MROH7: variants seen among roughly 807,000 people sequenced by gnomAD.
MROH7 encodes the protein maestro heat-like repeat-containing protein family member 7.
Under a neutral mutation model 129.2 loss-of-function variants are expected in MROH7, and 113 were observed. That is an observed-to-expected ratio of 0.87 (90% CI 0.75 to 1.02). MROH7 has a LOEUF of 1.02. Among genes scored for constraint, MROH7 ranks in the 50% least tolerant of loss-of-function variants. The probability of loss-of-function intolerance (pLI) is 0.00; values close to 1 mark genes in which losing one functional copy is unlikely to be tolerated. For missense variants in MROH7, 1,601 were observed against 1,671.3 expected (o/e 0.96, Z 0.73); for synonymous variants, 655 against 667.9 (o/e 0.98, Z 0.30).
At position 54,653,661 on chromosome 1, in the gene MROH7, T is replaced by A. The variant is rs186245353; in HGVS notation, c.735T>A (p.Asn245Lys). Residue 245 changes from asparagine (N) to lysine (K), a missense_variant, in exon 3 of 24, where the codon AAT becomes AAA. By Grantham distance (94) the Asn-to-Lys change is moderately conservative. Transcript: ENST00000421030. The part of the protein sequence containing the change: ...DSHGTLIPDT[N>K]ETITLASHNI... ...ATGGGACCCTAATCCCAGACACAAA[T>A]GAGACCATCACTTTGGCTTCACATA... 1.9e-6 allele frequency: 3 copies of A among 1,614,044 alleles called. No homozygotes were observed. In the East Asian group the frequency reaches 6.7e-5, roughly 36 times the overall value.
In MROH7 at chr1:54,668,726, CA is replaced by C. The variant is rs1007589168; in HGVS notation, c.1306-127del. ...CCAAGCTCCCCTTGTGGGGACCTCT[CA>C]TTTCTCTTGCACCAATGCTGGCTTG... is the stretch of plus-strand genomic sequence containing the variant. On this transcript the variant is annotated intron_variant, in intron 4 of 23. Transcript: ENST00000421030. The C allele has an allele frequency of 4.5e-5, 30 of 667,866 alleles. No homozygotes were observed. In the African/African-American group the frequency reaches 5.5e-4, roughly 12 times the overall value. The allele number at this position is 667,866 out of a possible 1,614,324, so 41.4% of individuals were successfully genotyped here.
chr1:54,699,152 TTCTTTCTTTTC>T (rs888232212), intron 17 of MROH7: 4 of 83,356 alleles, frequency 4.8e-5, no homozygotes, highest in African/African-American at 1.4e-4. Flanking sequence ...CTTTCTTTCT[TTCTTTCTTTTC>T]TTTCTTTCTT....
chr1:54,656,845 A>G (rs533585396), intron 3 of MROH7, among the ~76,000 whole-genome samples: 44 of 152,046 alleles, frequency 2.9e-4, no homozygotes, highest in African/African-American at 8.7e-4. Context: ...AAAATAAAAA[A>G]GTTTCTTTTT....
chr1:54,670,848 CGT>C lies in MROH7; in HGVS notation c.1526_1527del (p.Val509AlafsTer21). 2 of 1,613,984 alleles carry C rather than the reference CGT, an allele frequency of 1.2e-6. No homozygotes were observed. The highest frequency in any genetic ancestry group is 8.5e-7 in the Non-Finnish European group (1 of 1,179,970). On this transcript the variant is annotated frameshift_variant, in exon 7 of 24. Transcript: ENST00000421030. LOFTEE classifies it high-confidence loss of function. ...GMRERSELVN[V>X]CVHSVFSLPS... ...TGCGGGAGAGGTCGGAGCTGGTGAA[CGT>C]GTGTGTGCACAGCGTGTTCTCCCTG...
intron 3 of MROH7, among the ~76,000 whole-genome samples, chr1:54,659,556 C>A (rs1644700795): frequency 6.6e-6 from 1 of 151,896 alleles, no homozygotes; most frequent in South Asian, 2.1e-4. Context: ...CGGGTTCAAG[C>A]AATTCTCCTG....
chr1:54,677,825 G>A (rs1201403193), intron 10 of MROH7, among the ~76,000 whole-genome samples: 2 of 152,208 alleles, frequency 1.3e-5, no homozygotes, highest in African/African-American at 4.8e-5. Flanking sequence ...GGGGACACAG[G>A]AGTGGGGAAA....
At chr1:54,695,192 T>G (rs1444433689) in intron 16 of MROH7, among the ~76,000 whole-genome samples, 184 bp from the exon 17 acceptor site, 1 of 152,156 alleles carries the variant, frequency 6.6e-6, no homozygotes, top group East Asian at 1.9e-4. Flanking sequence ...AGTTTCTTCA[T>G]CTGTAAAATG....
At chr1:54,642,267 A>C (rs1012015449) in intron 1 of MROH7, among the ~76,000 whole-genome samples, 2 of 152,168 alleles carry the variant, frequency 1.3e-5, no homozygotes, top group Admixed American at 6.5e-5. Flanking sequence ...TATGTGGGCT[A>C]TCTCATCTGG....
chr1:54,659,386 A>G (rs909047377), intron 3 of MROH7, among the ~76,000 whole-genome samples: 7 of 150,236 alleles, frequency 4.7e-5, no homozygotes, highest in African/African-American at 1.7e-4. Context: ...GGGTTCAAGC[A>G]ATTCTCCTGC....
At chr1:54,682,964 A>C (rs1226087266) in intron 14 of MROH7, among the ~76,000 whole-genome samples, 170 bp downstream of exon 14, 3 of 152,210 alleles carry the variant, frequency 2.0e-5, no homozygotes. Context: ...TTCACTGGAC[A>C]ATAACAGTAG....
chr1:54,644,801 CTT>C (rs553525945), intron 1 of MROH7, among the ~76,000 whole-genome samples: 26 of 138,210 alleles, frequency 1.9e-4, no homozygotes, highest in African/African-American at 5.3e-4. Context: ...AGCCAAATAA[CTT>C]TTTTTTTTTT....
At position 54,679,383 on chromosome 1, in the gene MROH7, T is replaced by C. The variant is rs969916738; in HGVS notation, c.2170T>C (p.Ser724Pro). The change falls in exon 12 of 24, where the codon TCG becomes CCG. Residue 724 changes from serine (S) to proline (P), a missense_variant. Coordinates refer to ENST00000421030, the MANE Select transcript of MROH7 (RefSeq NM_001039464.4). ...KDSREMMQLASEVMLSSVLEW... is the reference protein window; with the variant it reads ...KDSREMMQLAPEVMLSSVLEW... ...CTCCAGGGAGATGATGCAGCTGGCCTCGGAGGTCATGCTCAGCTCGGTGCT... is the reference window on the plus strand; with the variant it reads ...CTCCAGGGAGATGATGCAGCTGGCCCCGGAGGTCATGCTCAGCTCGGTGCT... The C allele has an allele frequency of 6.2e-7, 1 of 1,614,094 alleles. No homozygotes were observed. The highest frequency in any genetic ancestry group is 1.3e-5 in the African/African-American group (1 of 75,068).
At chr1:54,670,763 T>C (rs774362466) in intron 6 of MROH7, 37 bp from the exon 7 acceptor site, 1 of 1,589,198 alleles carries the variant, frequency 6.3e-7, no homozygotes, top group South Asian at 1.1e-5. Context: ...AGGGCCCCTC[T>C]CTCACTCCAT....
chr1:54,653,065 T>C lies in MROH7; in HGVS notation c.139T>C (p.Leu47=), dbSNP rs745834215. The change falls in exon 3 of 24, where the codon TTG becomes CTG. Residue 47 remains leucine, a synonymous_variant. Coordinates refer to ENST00000421030, the MANE Select transcript of MROH7 (RefSeq NM_001039464.4). ...CCCAGACATGGCTCAGGTGCCTATG[T>C]TGAATCTGCTCCCAAGTCCTGGCTT... ...PHPDMAQVPM[L]NLLPSPGLAL... is the part of the protein sequence containing the mutation. 1 of 1,614,230 alleles carries C rather than the reference T, an allele frequency of 6.2e-7. No homozygotes were observed. Among genetic ancestry groups the C allele is most frequent in the South Asian group, 1.1e-5 (1 of 91,082 alleles).
In MROH7 at chr1:54,702,086, C is replaced by T. The variant is rs114275039; in HGVS notation, c.3286-4C>T. 5.8e-3 allele frequency: 9,163 copies of T among 1,585,924 alleles called. 34 individuals carry two copies. Among genetic ancestry groups the T allele is most frequent in the Non-Finnish European group, 7.1e-3 (8,222 of 1,164,576 alleles). On this transcript the variant is annotated splice_region_variant and splice_polypyrimidine_tract_variant and intron_variant, in intron 19 of 23. Transcript: ENST00000421030. ...ACCCCCTCTGAGCCTTTGGTCTTCC[C>T]CAGGCACGAGAGGTCGTGCGCTCCT...
Position 54,680,006 on chromosome 1 carries a change from T to C in MROH7, c.2342T>C (p.Val781Ala). The change falls in exon 13 of 24, where the codon GTT becomes GCT. Residue 781 changes from valine to alanine, a missense_variant. Val to Ala is a moderately conservative substitution (Grantham distance 64). Coordinates refer to ENST00000421030, the MANE Select transcript of MROH7 (RefSeq NM_001039464.4). ...CTGGCTAGCTCCTTCATGACCGAGG[T>C]TGTGGTGGCCCTGCTCATGTGCCCC... Reference protein sequence around the residue: ...SLLASSFMTEVVVALLMCPLP... With the variant: ...SLLASSFMTEAVVALLMCPLP... 1 of 1,613,900 alleles carries C rather than the reference T, an allele frequency of 6.2e-7. No individual in the cohort carries two copies. Among genetic ancestry groups the C allele is most frequent in the Non-Finnish European group, 8.5e-7 (1 of 1,179,950 alleles).
In MROH7 at chr1:54,703,348, A is replaced by T. The variant is rs1368646823; in HGVS notation, c.3564+603A>T. 6.6e-6 allele frequency among the ~76,000 whole-genome samples: 1 copy of T among 152,174 alleles called. No homozygotes were observed. Among genetic ancestry groups the T allele is most frequent in the Non-Finnish European group, 1.5e-5 (1 of 68,046 alleles). On this transcript the variant is annotated intron_variant, in intron 21 of 23. Transcript: ENST00000421030. The surrounding 1 kb of genome is among the most constrained non-coding windows in gnomAD (Gnocchi z 4.4). ...GGGCCACACTGGCTCCTTTTCTACAACATCAATTCCCAGAGTTGTATTACC... is the reference window on the plus strand; with the variant it reads ...GGGCCACACTGGCTCCTTTTCTACATCATCAATTCCCAGAGTTGTATTACC...
At chr1:54,704,793 CTTTT>C (rs750428757) in intron 21 of MROH7, among the ~76,000 whole-genome samples, 1 of 67,828 alleles carries the variant, frequency 1.5e-5, no homozygotes, top group Non-Finnish European at 2.5e-5. Context: ...CAATGTAGCT[CTTTT>C]TTTTTTTTTT....
rs191211620 is a variant in MROH7, at chr1:54,687,428, A to C, written c.2711+980A>C. Among the ~76,000 whole-genome samples, 198 of 152,346 alleles carry C rather than the reference A, an allele frequency of 1.3e-3. 2 individuals are homozygous for C. Among genetic ancestry groups the C allele is most frequent in the African/African-American group, 4.7e-3 (194 of 41,574 alleles). On this transcript the variant is annotated intron_variant, in intron 15 of 23. Transcript: ENST00000421030. ...ATAGTATCTCTATGTATAGGATCCCAGTGCACCATAATTGATTTAACCAGG... is the reference window on the plus strand; with the variant it reads ...ATAGTATCTCTATGTATAGGATCCCCGTGCACCATAATTGATTTAACCAGG...
Sources: gnomAD v4.1 joint callset for allele counts (sites outside exome capture counted in the v4.1 genomes callset) on GRCh38, gnomAD v4.1.1 for gene constraint, Gnocchi (gnomAD v3.1) non-coding constraint, MANE v1.5 for transcripts, NCBI Gene and HGNC (gene_info 2026-07-23, HGNC 2026-07-21) for gene names.